The following TAFA1 variants were observed in gnomAD, a reference collection of about 807,000 sequenced individuals.
TAFA1 encodes TAFA chemokine like family member 1.
A neutral mutation model predicts 18.5 loss-of-function variants in TAFA1; 4 were observed. The observed-to-expected ratio is 0.22, with a 90% CI of 0.11 to 0.49. The LOEUF (loss-of-function observed/expected upper bound fraction) is 0.49. Among genes scored for constraint, TAFA1 ranks in the 20% least tolerant of loss-of-function variants. The pLI is 0.98. For missense variants in TAFA1, 147 were observed against 169.0 expected (o/e 0.87, Z 0.72); for synonymous variants, 56 against 55.2 (o/e 1.01, Z -0.06).
the TAFA1 span, among the ~76,000 whole-genome samples, chr3:67,994,091 G>T: frequency 1.3e-5 from 2 of 152,082 alleles, no homozygotes; most frequent in Admixed American, 6.6e-5. Flanking sequence ...CAATCAAATT[G>T]TATCTATAAG....
intron 2 of TAFA1, among the ~76,000 whole-genome samples, chr3:68,350,827 G>T (rs1193258981): frequency 6.6e-6 from 1 of 152,052 alleles, no homozygotes; most frequent in Non-Finnish European, 1.5e-5. Flanking sequence ...CACTTAACTG[G>T]TCTGGTCTCT....
At chr3:68,167,327 C>T (rs906857183) in intron 2 of TAFA1, among the ~76,000 whole-genome samples, 1 of 152,208 alleles carries the variant, frequency 6.6e-6, no homozygotes, top group Admixed American at 6.5e-5. Context: ...CCTGTAATCC[C>T]AGCACTTTGG....
chr3:68,305,413 A>ATGAC (rs1378564761), intron 2 of TAFA1, among the ~76,000 whole-genome samples: 111 of 16,650 alleles, frequency 6.7e-3, no homozygotes, highest in East Asian at 0.014. Flanking sequence ...ATATGACTAT[A>ATGAC]TATATATATA....
intron 2 of TAFA1, among the ~76,000 whole-genome samples, chr3:68,349,391 AAAT>A (rs2069224030): frequency 6.6e-6 from 1 of 152,040 alleles, no homozygotes; most frequent in East Asian, 1.9e-4. Context: ...GGTGTTACGG[AAAT>A]AAAGATCCCT....
rs372969217 is a variant in TAFA1 at position 68,457,239 on chromosome 3, C to T, written c.259+39819C>T. 4.1e-4 allele frequency among the ~76,000 whole-genome samples: 62 copies of T among 152,240 alleles called. 1 individual carries two copies. In the South Asian group the frequency reaches 0.013, roughly 31 times the overall value. On this transcript the variant is annotated intron_variant, in intron 3 of 4. Coordinates refer to ENST00000478136, the MANE Select transcript of TAFA1 (RefSeq NM_213609.4). The stretch of plus-strand genomic sequence containing the variant: ...GTGCATGTTTATCTTGGTTTATATT[C>T]TCTCAACTGTGAATGGCTCCATGTA...
intron 2 of TAFA1, among the ~76,000 whole-genome samples, chr3:68,201,602 G>C (rs972893369): frequency 2.0e-5 from 3 of 151,720 alleles, no homozygotes; most frequent in African/African-American, 7.3e-5. Flanking sequence ...TCTTCTTGGA[G>C]AATTGACTTC....
At chr3:68,175,078 T>A (rs1037082493) in intron 2 of TAFA1, among the ~76,000 whole-genome samples, 1 of 152,204 alleles carries the variant, frequency 6.6e-6, no homozygotes, top group African/African-American at 2.4e-5. Context: ...GTGCTGAGCT[T>A]GCAAGTGTAC....
At chr3:68,423,178 C>T (rs1297405523) in intron 3 of TAFA1, among the ~76,000 whole-genome samples, 1 of 151,846 alleles carries the variant, frequency 6.6e-6, no homozygotes, top group African/African-American at 2.4e-5. Context: ...ATAATTAATA[C>T]CAGTAATAAT....
chr3:68,287,911 G>GA (rs1342788965), intron 2 of TAFA1, among the ~76,000 whole-genome samples: 1 of 133,028 alleles, frequency 7.5e-6, no homozygotes, highest in Non-Finnish European at 1.6e-5. Flanking sequence ...TTTTGTTGGG[G>GA]GGTGGGGGGG....
At chr3:68,149,477 G>T (rs1280537262) in intron 2 of TAFA1, among the ~76,000 whole-genome samples, 1 of 152,204 alleles carries the variant, frequency 6.6e-6, no homozygotes, top group Non-Finnish European at 1.5e-5. Flanking sequence ...TCTGATGAGG[G>T]TCTCAAGGAG....
intron 2 of TAFA1, among the ~76,000 whole-genome samples, chr3:68,289,411 T>C (rs556675451): frequency 6.6e-6 from 1 of 152,354 alleles, no homozygotes; most frequent in East Asian, 1.9e-4. Context: ...TAGTCTCCAT[T>C]ATTATTTTGT....
intron 2 of TAFA1, among the ~76,000 whole-genome samples, chr3:68,331,904 C>T (rs377309880): frequency 6.8e-5 from 8 of 117,910 alleles, no homozygotes; most frequent in African/African-American, 2.6e-4. Flanking sequence ...CGCTCTTTCG[C>T]CCAGGCTGGA....
chr3:68,335,403 A>T (rs2068953747), intron 2 of TAFA1, among the ~76,000 whole-genome samples: 1 of 152,270 alleles, frequency 6.6e-6, no homozygotes, highest in Middle Eastern at 3.4e-3. Context: ...TCTGGGAAAT[A>T]GCAATGAATG....
At chr3:68,236,446 C>T (rs966982520) in intron 2 of TAFA1, among the ~76,000 whole-genome samples, 1 of 152,190 alleles carries the variant, frequency 6.6e-6, no homozygotes, top group Non-Finnish European at 1.5e-5. Flanking sequence ...TTGGCTAAAG[C>T]CACTTAAACT....
intron 3 of TAFA1, among the ~76,000 whole-genome samples, chr3:68,502,808 G>C (rs1347448989): frequency 6.6e-6 from 1 of 152,050 alleles, no homozygotes; most frequent in Non-Finnish European, 1.5e-5. Flanking sequence ...CCCCACAAAA[G>C]ACACAAAACC....
At chr3:68,440,045 C>T (rs1038912660) in intron 3 of TAFA1, among the ~76,000 whole-genome samples, 1 of 151,858 alleles carries the variant, frequency 6.6e-6, no homozygotes, top group Non-Finnish European at 1.5e-5. Context: ...CTGTGTCCCC[C>T]CCCTCCAAAT....
In TAFA1 at chr3:68,515,955, A is replaced by G. The variant is rs149983559; in HGVS notation, c.260-22801A>G. Among the ~76,000 whole-genome samples, 960 of 152,344 alleles carry G rather than the reference A, an allele frequency of 6.3e-3. 12 individuals are homozygous for G. Among genetic ancestry groups the G allele is most frequent in the African/African-American group, 0.021 (888 of 41,588 alleles). ...CCTAAGAAGTTTCAAGTGTGTAGAAACCAAGCATTATTTGCAGGCTGCACT... is the reference window on the plus strand; with the variant it reads ...CCTAAGAAGTTTCAAGTGTGTAGAAGCCAAGCATTATTTGCAGGCTGCACT... On this transcript the variant is annotated intron_variant, in intron 3 of 4. Coordinates refer to ENST00000478136, the MANE Select transcript of TAFA1 (RefSeq NM_213609.4).
At chr3:68,195,617 C>G (rs1327661939) in intron 2 of TAFA1, among the ~76,000 whole-genome samples, 1 of 151,330 alleles carries the variant, frequency 6.6e-6, no homozygotes, top group Non-Finnish European at 1.5e-5. Context: ...CAGTGTACTA[C>G]AAGGTCCAGG....
At chr3:68,286,668 G>A (rs935470920) in intron 2 of TAFA1, among the ~76,000 whole-genome samples, 22 of 152,134 alleles carry the variant, frequency 1.4e-4, no homozygotes, top group African/African-American at 4.6e-4. Flanking sequence ...TGCTATGTAG[G>A]CACTGGAATT....
Sources: gnomAD v4.1 joint callset for allele counts (sites outside exome capture counted in the v4.1 genomes callset) on GRCh38, gnomAD v4.1.1 for gene constraint, MANE v1.5 for transcripts, NCBI Gene and HGNC (gene_info 2026-07-23, HGNC 2026-07-21) for gene names.